Variants in TPO observed in about 807,000 individuals in gnomAD.
TPO encodes thyroid peroxidase, also known as thyroid microsomal antigen.
A neutral mutation model predicts 96.9 loss-of-function variants in TPO; 78 were observed. The ratio of observed to expected loss-of-function variants is 0.81; its 90% confidence interval spans 0.67 to 0.97. The LOEUF (loss-of-function observed/expected upper bound fraction) is 0.97, where lower values mean the gene tolerates loss of function less well. Ranked by LOEUF, TPO falls within the 50% of genes least tolerant of loss-of-function variation. The pLI, the probability that TPO is intolerant of heterozygous loss-of-function variation, is 0.00. For missense variants in TPO, 1,252 were observed against 1,274.8 expected, an observed-to-expected ratio of 0.98 and a Z score of 0.27; for synonymous variants, 547 against 538.0, an observed-to-expected ratio of 1.02 and a Z score of -0.23.
At chr2:1,421,065 G>T (rs1399898876) in intron 2 of TPO, among the ~76,000 whole-genome samples, 1 of 152,086 alleles carries the variant, frequency 6.6e-6, no homozygotes, top group Non-Finnish European at 1.5e-5. Context: ...AGAGGGCAAA[G>T]ATCAGAGGAG....
chr2:1,532,368 A>T (rs1573614850), intron 15 of TPO, among the ~76,000 whole-genome samples: 1 of 48,606 alleles, frequency 2.1e-5, no homozygotes, highest in East Asian at 6.9e-4. Context: ...AATACCCCCC[A>T]CAGTGCGCAA....
Position 1,503,523 on chromosome 2 carries a change from G to A in TPO, c.2387-425G>A, listed in dbSNP as rs1673081713. Among the ~76,000 whole-genome samples, 4 of 152,160 alleles carry A rather than the reference G, an allele frequency of 2.6e-5. No individual in the cohort carries two copies. The South Asian group carries it at 8.3e-4, about 31-fold the overall frequency. On this transcript the variant is annotated intron_variant, in intron 13 of 16. Coordinates refer to ENST00000329066, the MANE Select transcript of TPO (RefSeq NM_001206744.2). ...ACATCCTCACTGGCGGTGGCAGGTG[G>A]CCCCAGTCCTTGCTCTCAGAGGACC...
chr2:1,414,517 C>G lies in TPO; in HGVS notation c.94+15C>G. 1 of 1,611,598 alleles carries G rather than the reference C, an allele frequency of 6.2e-7. No individual in the cohort carries two copies. Among genetic ancestry groups the G allele is most frequent in the Non-Finnish European group, 8.5e-7 (1 of 1,178,090 alleles). On this transcript the variant is annotated intron_variant, in intron 2 of 16. Transcript: ENST00000329066. ...ACTCCTTTGGGGTAAGTAGCAAACA[C>G]ATTGCGGTCTTCTGGCCTTATAAAG...
intron 14 of TPO, among the ~76,000 whole-genome samples, chr2:1,504,855 A>G (rs1255839108): frequency 6.6e-6 from 1 of 152,304 alleles, no homozygotes; most frequent in East Asian, 1.9e-4. Context: ...ATTATTTACC[A>G]GACTCAAGTT....
intron 8 of TPO, among the ~76,000 whole-genome samples, chr2:1,480,233 A>C (rs1048087136): frequency 2.6e-5 from 4 of 151,638 alleles, no homozygotes; most frequent in South Asian, 2.1e-4. Context: ...TTTACATTTC[A>C]CTTTTGAATT....
chr2:1,382,687 A>G (rs1220592979), intron 1 of TPO, among the ~76,000 whole-genome samples: 1 of 152,206 alleles, frequency 6.6e-6, no homozygotes, highest in Non-Finnish European at 1.5e-5. Flanking sequence ...CCTGGACTAC[A>G]TAGATATGTA....
intron 13 of TPO, among the ~76,000 whole-genome samples, chr2:1,501,844 C>A (rs1672906390): frequency 6.6e-6 from 1 of 152,078 alleles, no homozygotes; most frequent in African/African-American, 2.4e-5. Flanking sequence ...TGATTTCAGA[C>A]CTGTGACCTC....
At chr2:1,455,264 C>A (rs1193732475) in intron 6 of TPO, among the ~76,000 whole-genome samples, 1 of 152,172 alleles carries the variant, frequency 6.6e-6, no homozygotes, top group Non-Finnish European at 1.5e-5. Context: ...CAAGGATTAG[C>A]GAATGGATGT....
chr2:1,477,294 G>C lies in TPO; in HGVS notation c.1028G>C (p.Trp343Ser). ...SPALERQLRNWTSAEGLLRVH... is the reference protein window; with the variant it reads ...SPALERQLRNSTSAEGLLRVH... ...GCCCTAGAGAGGCAGCTGCGGAACT[G>C]GACCAGTGCCGAAGGGCTGCTCCGC... The change falls in exon 8 of 17, where the codon TGG becomes TCG. Residue 343 changes from tryptophan (W) to serine (S), a missense_variant. Transcript: ENST00000329066. 2 of 1,590,970 alleles carry C rather than the reference G, an allele frequency of 1.3e-6. No individual in the cohort carries two copies. The highest frequency in any genetic ancestry group is 8.5e-7 in the Non-Finnish European group (1 of 1,170,306).
intron 1 of TPO, among the ~76,000 whole-genome samples, chr2:1,403,988 C>T (rs1662210487): frequency 6.6e-6 from 1 of 152,262 alleles, no homozygotes; most frequent in South Asian, 2.1e-4. Flanking sequence ...AATTCAGAGT[C>T]TTCTCAACTT....
chr2:1,528,046 A>G (rs1373064319), intron 15 of TPO, among the ~76,000 whole-genome samples: 6 of 142,906 alleles, frequency 4.2e-5, no homozygotes, highest in Admixed American at 4.2e-4. Context: ...ACCTCCTCAA[A>G]TCTCCCCACT....
intron 14 of TPO, 77 bp downstream of exon 14, chr2:1,504,156 G>C: frequency 6.2e-7 from 1 of 1,603,064 alleles, no homozygotes; most frequent in Non-Finnish European, 8.5e-7. Flanking sequence ...TTCAAGTTAG[G>C]CAACTGTCAA....
chr2:1,541,126 C>G, intron 16 of TPO: 4 of 1,188,196 alleles, frequency 3.4e-6, no homozygotes, highest in Non-Finnish European at 4.2e-6. Context: ...TGTTTTACCC[C>G]CTTACCTTGT....
At chr2:1,502,085 A>G (rs969964967) in intron 13 of TPO, among the ~76,000 whole-genome samples, 1 of 151,916 alleles carries the variant, frequency 6.6e-6, no homozygotes, top group Non-Finnish European at 1.5e-5. Context: ...TGGAGAGAAA[A>G]TGGGCTTGTA....
rs141268340 is a variant in TPO at position 1,499,068 on chromosome 2, T to C, written c.2386+2303T>C. On this transcript the variant is annotated intron_variant, in intron 13 of 16. Coordinates refer to ENST00000329066, the MANE Select transcript of TPO (RefSeq NM_001206744.2). ...GTTTCACGTGTCCATTTTAGCTTCA[T>C]TTTAAGTATGAATGACCCCAAAGTG... is the stretch of plus-strand genomic sequence containing the variant. Among the ~76,000 whole-genome samples the C allele has an allele frequency of 3.0e-4, 45 of 152,296 alleles. No individual in the cohort carries two copies. In the East Asian group the frequency reaches 4.3e-3, roughly 14 times the overall value.
chr2:1,452,602 G>A (rs1400033171), intron 5 of TPO, among the ~76,000 whole-genome samples: 4 of 152,162 alleles, frequency 2.6e-5, no homozygotes, highest in Non-Finnish European at 5.9e-5. Flanking sequence ...TTTGCCATAG[G>A]AATGCCATCT....
intron 14 of TPO, among the ~76,000 whole-genome samples, chr2:1,516,449 C>T (rs1674716213): frequency 6.6e-6 from 1 of 152,196 alleles, no homozygotes; most frequent in South Asian, 2.1e-4. Flanking sequence ...AAGGGCAAAA[C>T]CTCACAGCGT....
intron 1 of TPO, among the ~76,000 whole-genome samples, chr2:1,394,480 T>C (rs9679635): frequency 0.25 from 37,451 of 152,142 alleles, 9,356 homozygotes; most frequent in African/African-American, 0.64. Context: ...GGATGTGGAA[T>C]GGTCAGGCAG....
At chr2:1,374,234 C>A (rs1174836738) in exon 1 of TPO, 1 of 152,232 alleles carries the variant, frequency 6.6e-6, no homozygotes, top group African/African-American at 2.4e-5. Context: ...ATTGTTGCTA[C>A]AAGGATTGAA....
Sources: gnomAD v4.1 joint callset for allele counts (sites outside exome capture counted in the v4.1 genomes callset) on GRCh38, gnomAD v4.1.1 for gene constraint, MANE v1.5 for transcripts, NCBI Gene and HGNC (gene_info 2026-07-23, HGNC 2026-07-21) for gene names.